Variants in PHACTR3 observed in about 807,000 individuals in gnomAD.
PHACTR3 encodes the protein phosphatase and actin regulator 3.
A neutral mutation model predicts 66.8 loss-of-function variants in PHACTR3; 16 were observed. The observed-to-expected ratio is 0.24, with a 90% CI of 0.16 to 0.36. PHACTR3 has a LOEUF of 0.36. PHACTR3 is among the 10% of genes least tolerant of loss of function. The pLI is 1.00. For synonymous variants in PHACTR3, 323 were observed against 292.1 expected (o/e 1.11, Z -1.08); for missense variants, 647 against 719.9 (o/e 0.90, Z 1.16).
chr20:59,616,852 T>A (rs1219280944), intron 1 of PHACTR3, among the ~76,000 whole-genome samples: 2 of 152,214 alleles, frequency 1.3e-5, no homozygotes, highest in African/African-American at 4.8e-5. Flanking sequence ...TAGCTCATTT[T>A]TTTTTAATGG....
intron 1 of PHACTR3, among the ~76,000 whole-genome samples, chr20:59,610,367 C>A (rs950786400): frequency 6.6e-6 from 1 of 152,212 alleles, no homozygotes; most frequent in Non-Finnish European, 1.5e-5. Context: ...GCGAAGCTGT[C>A]AGCATTGGAA....
At chr20:59,686,728 A>ATGATGGTGGTGATGATGGTGG (rs2146562010) in intron 1 of PHACTR3, among the ~76,000 whole-genome samples, 1 of 125,884 alleles carries the variant, frequency 7.9e-6, no homozygotes, top group South Asian at 2.9e-4. Context: ...GGTGGTTATG[A>ATGATGGTGGTGATGATGGTGG]TGATGGTGGT....
At chr20:59,646,250 C>T (rs2035278151) in intron 1 of PHACTR3, among the ~76,000 whole-genome samples, 1 of 152,214 alleles carries the variant, frequency 6.6e-6, no homozygotes, top group African/African-American at 2.4e-5. Flanking sequence ...TGGGCTCACT[C>T]TGGCCTCCTT....
chr20:59,792,901 T>C (rs2041145106), intron 7 of PHACTR3, among the ~76,000 whole-genome samples: 1 of 152,186 alleles, frequency 6.6e-6, no homozygotes, highest in Non-Finnish European at 1.5e-5. Context: ...TTTATTTTTT[T>C]AGAGACAGGG....
intron 1 of PHACTR3, among the ~76,000 whole-genome samples, chr20:59,588,721 C>G (rs564086251): frequency 2.0e-5 from 3 of 152,224 alleles, no homozygotes; most frequent in Admixed American, 6.5e-5. Flanking sequence ...CTCCCACCCC[C>G]GCTCCCTGGC....
chr20:59,773,425 G>A lies in PHACTR3; in HGVS notation c.898G>A (p.Ala300Thr), dbSNP rs761385023. 3 of 1,613,440 alleles carry A rather than the reference G, an allele frequency of 1.9e-6. No homozygotes were observed. Among genetic ancestry groups the A allele is most frequent in the South Asian group, 2.2e-5 (2 of 91,024 alleles). Residue 300 changes from alanine to threonine, a missense_variant, in exon 6 of 13, where the codon GCG becomes ACG. Ala to Thr is a moderately conservative substitution (Grantham distance 58, BLOSUM62 0). Transcript: ENST00000371015. ...CCGCGTCATTGAGGAGCTGCACAGGGCGCTGGCCACGAAGCACCGCCAGGA... is the reference window on the plus strand; with the variant it reads ...CCGCGTCATTGAGGAGCTGCACAGGACGCTGGCCACGAAGCACCGCCAGGA... ...PSRVIEELHR[A>T]LATKHRQDSF... is the part of the protein sequence containing the mutation.
intron 8 of PHACTR3, among the ~76,000 whole-genome samples, chr20:59,834,658 T>C (rs948907012): frequency 1.3e-5 from 2 of 152,192 alleles, no homozygotes; most frequent in Non-Finnish European, 2.9e-5. Flanking sequence ...GACGCTATGG[T>C]CTTCCCACAC....
At chr20:59,766,693 A>C (rs762364176) in intron 4 of PHACTR3, among the ~76,000 whole-genome samples, 3 of 152,208 alleles carry the variant, frequency 2.0e-5, no homozygotes, top group Non-Finnish European at 2.9e-5. Context: ...GACAAATAAG[A>C]ATGAGAGCTG....
intron 1 of PHACTR3, among the ~76,000 whole-genome samples, chr20:59,593,362 G>A: frequency 6.6e-6 from 1 of 150,514 alleles, no homozygotes; most frequent in Non-Finnish European, 1.5e-5. Context: ...TCATTCTCTT[G>A]TTGTTGAGTT....
In PHACTR3 at chr20:59,755,051, G is replaced by C. The variant is rs2039735010; in HGVS notation, c.359-131G>C. 13 of 856,796 alleles carry C rather than the reference G, an allele frequency of 1.5e-5. No individual in the cohort carries two copies. The South Asian group carries it at 2.3e-4, about 15-fold the overall frequency. 53.1% of individuals were successfully genotyped at this position (856,796 alleles called of 1,614,324 possible). A position where few individuals can be genotyped will look rare whatever the true frequency, so the allele number is the denominator to read the frequency against. On this transcript the variant is annotated intron_variant, in intron 3 of 12. Transcript: ENST00000371015. Reference sequence around the variant, plus strand: ...ACTTGGAGAGGGACTCCTAGGGTGTGTGGTGAGGGGGAGAGGGGTGGGGGA... The same window carrying C: ...ACTTGGAGAGGGACTCCTAGGGTGTCTGGTGAGGGGGAGAGGGGTGGGGGA...
At chr20:59,837,158 A>G (rs1363043881) in intron 9 of PHACTR3, among the ~76,000 whole-genome samples, 1 of 152,216 alleles carries the variant, frequency 6.6e-6, no homozygotes, top group African/African-American at 2.4e-5. Context: ...AATATTCCAT[A>G]AAGTCAGTGA....
chr20:59,694,722 T>C (rs901285567), intron 1 of PHACTR3, among the ~76,000 whole-genome samples: 1 of 152,100 alleles, frequency 6.6e-6, no homozygotes, highest in African/African-American at 2.4e-5. Context: ...TAGAAGCTTT[T>C]AGAATAGGGA....
intron 1 of PHACTR3, among the ~76,000 whole-genome samples, chr20:59,587,967 A>G (rs1352911688): frequency 6.6e-6 from 1 of 152,090 alleles, no homozygotes; most frequent in African/African-American, 2.4e-5. Flanking sequence ...CGGGTCTTCC[A>G]GGTTCATCTC....
chr20:59,681,212 T>A (rs1251997034), intron 1 of PHACTR3, among the ~76,000 whole-genome samples: 2 of 152,128 alleles, frequency 1.3e-5, no homozygotes, highest in African/African-American at 4.8e-5. Flanking sequence ...GCAGAAAAAA[T>A]TTGCCCATGC....
intron 12 of PHACTR3, 50 bp downstream of exon 12, chr20:59,845,315 C>A: frequency 8.7e-7 from 1 of 1,153,654 alleles, no homozygotes; most frequent in Non-Finnish European, 1.3e-6. Context: ...GAAACACACA[C>A]CGCCTTCCCC....
chr20:59,651,877 G>GTAGGTAGA (rs2035472776), intron 1 of PHACTR3, among the ~76,000 whole-genome samples: 1 of 128,006 alleles, frequency 7.8e-6, no homozygotes, highest in Non-Finnish European at 1.7e-5. Context: ...AGGTAGGTAG[G>GTAGGTAGA]TAGATAGACG....
chr20:59,766,993 C>A (rs1007872848), intron 4 of PHACTR3, among the ~76,000 whole-genome samples, 193 bp from the exon 5 acceptor site: 1 of 152,228 alleles, frequency 6.6e-6, no homozygotes, highest in African/African-American at 2.4e-5. Flanking sequence ...ACTTCCCTCT[C>A]TCCATATTCC....
Position 59,819,151 on chromosome 20 carries a change from T to G in PHACTR3, c.1328+12957T>G, listed in dbSNP as rs573874925. Reference sequence around the variant, plus strand: ...TGGGCGCAGTGGCTCATTCCCGCAATCCCAGAACTTTGGGAAGCCGAGGCA... The same window carrying G: ...TGGGCGCAGTGGCTCATTCCCGCAAGCCCAGAACTTTGGGAAGCCGAGGCA... On this transcript the variant is annotated intron_variant, in intron 8 of 12. Coordinates refer to ENST00000371015, the MANE Select transcript of PHACTR3 (RefSeq NM_080672.5). 3.1e-3 allele frequency among the ~76,000 whole-genome samples: 468 copies of G among 152,134 alleles called. 9 individuals carry two copies. The highest frequency in any genetic ancestry group is 3.4e-3 in the Middle Eastern group (1 of 294).
chr20:59,687,094 ATGG>A (rs779544958), intron 1 of PHACTR3, among the ~76,000 whole-genome samples: 47 of 149,734 alleles, frequency 3.1e-4, no homozygotes, highest in Non-Finnish European at 5.4e-4. Context: ...GATTGTGATG[ATGG>A]TGGTGATAGT....
Sources: gnomAD v4.1 joint callset for allele counts (sites outside exome capture counted in the v4.1 genomes callset) on GRCh38, gnomAD v4.1.1 for gene constraint, MANE v1.5 for transcripts, NCBI Gene and HGNC (gene_info 2026-07-23, HGNC 2026-07-21) for gene names.